PADI6: variants seen among roughly 807,000 people sequenced by gnomAD.
The protein encoded by PADI6 is inactive protein-arginine deiminase type-6.
PADI6 carries 66 observed loss-of-function variants against 78.2 expected under a neutral mutation model. That is an observed-to-expected ratio of 0.84 (90% CI 0.69 to 1.04). The LOEUF (loss-of-function observed/expected upper bound fraction) is 1.04. PADI6 is among the 50% of genes least tolerant of loss of function. PADI6 has a pLI of 0.00. For synonymous variants in PADI6, 397 were observed against 346.9 expected, an observed-to-expected ratio of 1.14 and a Z score of -1.60; for missense variants, 854 against 866.1, an observed-to-expected ratio of 0.99 and a Z score of 0.18.
At chr1:17,380,049 T>C (rs1570127453) in intron 4 of PADI6, 62 bp downstream of exon 4, 3 of 1,525,002 alleles carry the variant, frequency 2.0e-6, no homozygotes, top group East Asian at 4.5e-5. Flanking sequence ...GCCCACAGGC[T>C]CACTTGATCT....
intron 13 of PADI6, 109 bp downstream of exon 13, chr1:17,395,772 C>CA: frequency 7.2e-7 from 1 of 1,395,562 alleles, no homozygotes; most frequent in Non-Finnish European, 9.5e-7. Context: ...CAGGGAAGCA[C>CA]AGAAGCTGTT....
At chr1:17,379,305 G>A (rs1229446950) in intron 3 of PADI6, among the ~76,000 whole-genome samples, 13 of 146,986 alleles carry the variant, frequency 8.8e-5, no homozygotes, top group African/African-American at 3.0e-4. Context: ...TAGTAGAGAC[G>A]GGGTTTCACC....
At chr1:17,388,230 G>A (rs2075142247) in intron 6 of PADI6, 151 bp from the exon 7 acceptor site, 2 of 666,804 alleles carry the variant, frequency 3.0e-6, no homozygotes, top group Non-Finnish European at 5.0e-6. Flanking sequence ...CTGAATGCTA[G>A]AAACGGGGAT....
intron 9 of PADI6, among the ~76,000 whole-genome samples, chr1:17,393,294 A>C (rs1043242734): frequency 6.6e-6 from 1 of 152,164 alleles, no homozygotes; most frequent in Admixed American, 6.5e-5. Flanking sequence ...CAAAGCATGA[A>C]TCGGGAATGA....
chr1:17,388,271 G>A (rs2100307984), intron 6 of PADI6, 110 bp from the exon 7 acceptor site: 1 of 1,051,046 alleles, frequency 9.5e-7, no homozygotes, highest in Non-Finnish European at 1.3e-6. Flanking sequence ...AGCCCTCCTG[G>A]AACTCACAGC....
At chr1:17,386,306 C>T (rs2075118852) in intron 6 of PADI6, among the ~76,000 whole-genome samples, 1 of 152,224 alleles carries the variant, frequency 6.6e-6, no homozygotes, top group South Asian at 2.1e-4. Context: ...GTTAGCTATG[C>T]TTCACAACAA....
At chr1:17,375,643 A>AT (rs2075008024) in intron 3 of PADI6, 144 bp downstream of exon 3, 4 of 676,422 alleles carry the variant, frequency 5.9e-6, no homozygotes, top group Non-Finnish European at 1.0e-5. Context: ...ACAAACTCCT[A>AT]AATGGATTCA....
chr1:17,374,329 G>A (rs2074994619), intron 2 of PADI6, among the ~76,000 whole-genome samples: 1 of 151,896 alleles, frequency 6.6e-6, no homozygotes, highest in Non-Finnish European at 1.5e-5. Flanking sequence ...ACTTAGGTAG[G>A]AACTGAGTGT....
At chr1:17,375,821 C>T (rs116059568) in intron 3 of PADI6, among the ~76,000 whole-genome samples, 1,854 of 152,212 alleles carry the variant, frequency 0.012, 37 homozygotes, top group African/African-American at 0.041. Context: ...TACTAATTGA[C>T]GCATCTGGTC....
At position 17,372,303 on chromosome 1, in the gene PADI6, G is replaced by T; in HGVS notation, c.58G>T (p.Asp20Tyr). The T allele has an allele frequency of 1.2e-6, 2 of 1,613,932 alleles. No individual in the cohort carries two copies. Among genetic ancestry groups the T allele is most frequent in the African/African-American group, 2.7e-5 (2 of 75,026 alleles). Residue 20 changes from aspartate to tyrosine, a missense_variant, in exon 1 of 16, where the codon GAC becomes TAC. Transcript: ENST00000619609. ...SFQSIIHLSL[D>Y]SPVHAVCVLG... ...CCAGAGTATCATCCACCTGTCCCTGGACAGCCCTGTCCATGCCGTTTGTGT... is the reference window on the plus strand; with the variant it reads ...CCAGAGTATCATCCACCTGTCCCTGTACAGCCCTGTCCATGCCGTTTGTGT...
At chr1:17,383,481 G>A (rs533036910) in intron 6 of PADI6, among the ~76,000 whole-genome samples, 2 of 152,326 alleles carry the variant, frequency 1.3e-5, no homozygotes, top group South Asian at 2.1e-4. Context: ...GGAGTCCGCC[G>A]GTTCATGTAG....
intron 14 of PADI6, 24 bp from the exon 15 acceptor site, chr1:17,398,662 C>CCCACCCACCCACCCACCCACCCACCCA (rs1553154476): frequency 9.1e-6 from 1 of 110,468 alleles, no homozygotes; most frequent in African/African-American, 5.0e-5. Context: ...CCGCCCCCCC[C>CCCACCCACCCACCCACCCACCCACCCA]CCCACCCACC....
intron 4 of PADI6, among the ~76,000 whole-genome samples, chr1:17,380,376 ATTT>A (rs572210244): frequency 6.8e-6 from 1 of 146,696 alleles, no homozygotes; most frequent in East Asian, 2.0e-4. Context: ...CACCTGGCTA[ATTT>A]TTTTTTGAGA....
intron 12 of PADI6, among the ~76,000 whole-genome samples, 177 bp from the exon 13 acceptor site, chr1:17,395,363 C>A (rs1030856521): frequency 1.3e-5 from 2 of 152,134 alleles, no homozygotes; most frequent in African/African-American, 4.8e-5. Context: ...GCCACCACAC[C>A]TGGCTCATTT....
intron 2 of PADI6, among the ~76,000 whole-genome samples, chr1:17,373,519 C>T (rs1200383186): frequency 1.6e-4 from 22 of 136,978 alleles, no homozygotes; most frequent in Admixed American, 1.5e-3. Context: ...TTTTTTGAGT[C>T]TCACGCTCAT....
intron 15 of PADI6, 133 bp downstream of exon 15, chr1:17,398,980 CCT>C: frequency 9.8e-7 from 1 of 1,020,850 alleles, no homozygotes; most frequent in Non-Finnish European, 1.4e-6. Flanking sequence ...GAGGGAGACC[CCT>C]TCTCCCCCAT....
chr1:17,375,447 G>T lies in PADI6; in HGVS notation c.315G>T (p.Gly105=). 1 of 1,611,558 alleles carries T rather than the reference G, an allele frequency of 6.2e-7. No homozygotes were observed. The highest frequency in any genetic ancestry group is 8.5e-7 in the Non-Finnish European group (1 of 1,178,996). The change falls in exon 3 of 16, where the codon GGG becomes GGT. Residue 105 remains glycine (G), a synonymous_variant. Transcript: ENST00000619609. ...DADKVSVTYY[G]PNEDAPVGTA... is the part of the protein sequence containing the mutation. ...CACAGGTCTCGGTCACATACTATGG[G>T]CCCAACGAGGATGCCCCCGTGGGCA...
chr1:17,375,937 C>A (rs1196810166), intron 3 of PADI6, among the ~76,000 whole-genome samples: 3 of 152,012 alleles, frequency 2.0e-5, no homozygotes, highest in African/African-American at 7.3e-5. Flanking sequence ...CCCTCTAGAT[C>A]ACCCCCATCA....
At position 17,394,935 on chromosome 1, in the gene PADI6, T is replaced by C. The variant is rs749793837; in HGVS notation, c.1338-16T>C. 2 of 1,596,270 alleles carry C rather than the reference T, an allele frequency of 1.3e-6. No homozygotes were observed. The highest frequency in any genetic ancestry group is 8.5e-7 in the Non-Finnish European group (1 of 1,171,992). ...CCACACTGGCTCAAGAGCTGTTCTT[T>C]CCATCTTCCTTCTAGCGCAGAGGGC... On this transcript the variant is annotated splice_polypyrimidine_tract_variant and intron_variant, in intron 11 of 15. Transcript: ENST00000619609.
Sources: gnomAD v4.1 joint callset for allele counts (sites outside exome capture counted in the v4.1 genomes callset) on GRCh38, gnomAD v4.1.1 for gene constraint, MANE v1.5 for transcripts, NCBI Gene and HGNC (gene_info 2026-07-23, HGNC 2026-07-21) for gene names.